The following BARX2 variants were observed in gnomAD, a reference collection of about 807,000 sequenced individuals.
The protein encoded by BARX2 is BARX homeobox 2.
In BARX2, 11 loss-of-function variants were observed where a neutral mutation model predicts 25.5. The ratio of observed to expected loss-of-function variants is 0.43; its 90% CI spans 0.27 to 0.71. BARX2 has a LOEUF of 0.71. BARX2 is among the 30% of genes least tolerant of loss of function. The probability of loss-of-function intolerance (pLI) is 0.19; values close to 1 mark genes in which losing one functional copy is unlikely to be tolerated. For missense variants in BARX2, 360 were observed against 359.9 expected (o/e 1.00, Z 0.00); for synonymous variants, 137 against 149.5 (o/e 0.92, Z 0.61).
chr11:129,445,561 C>T (rs1466958270), intron 3 of BARX2, among the ~76,000 whole-genome samples: 2 of 152,212 alleles, frequency 1.3e-5, no homozygotes, highest in African/African-American at 2.4e-5. Flanking sequence ...GAACATTCTG[C>T]AAGCCAGTCA....
rs746025749 is a variant in BARX2, at chr11:129,451,162, C to T, written c.600C>T (p.Pro200=). The part of the protein sequence containing the change: ...KMVLKGGQEA[P]TKPKGRPKKN... ...TTCTTAAAGGTGGACAGGAAGCACC[C>T]ACAAAACCCAAAGGTCGCCCCAAGA... is the stretch of plus-strand genomic sequence containing the variant. Residue 200 remains proline, a synonymous_variant, in exon 4 of 4, where the codon CCC becomes CCT. Coordinates refer to ENST00000281437, the MANE Select transcript of BARX2 (RefSeq NM_003658.5). The T allele has an allele frequency of 6.2e-7, 1 of 1,613,992 alleles. No individual in the cohort carries two copies. Among genetic ancestry groups the T allele is most frequent in the Non-Finnish European group, 8.5e-7 (1 of 1,179,954 alleles).
chr11:129,410,303 G>A (rs1032002547), intron 1 of BARX2, among the ~76,000 whole-genome samples: 1 of 151,916 alleles, frequency 6.6e-6, no homozygotes, highest in Non-Finnish European at 1.5e-5. Context: ...TCTTGTTCTC[G>A]AATTGTTTCC....
chr11:129,384,178 T>C (rs906243103), intron 1 of BARX2, among the ~76,000 whole-genome samples: 2 of 152,154 alleles, frequency 1.3e-5, no homozygotes, highest in East Asian at 3.9e-4. Flanking sequence ...ATTTTCACAA[T>C]GTGCATAGAA....
chr11:129,433,867 C>G (rs1862156659), intron 1 of BARX2, among the ~76,000 whole-genome samples: 1 of 152,278 alleles, frequency 6.6e-6, no homozygotes, highest in East Asian at 1.9e-4. Flanking sequence ...TGCTGTCTGC[C>G]TCCCCAAATG....
chr11:129,382,118 G>A (rs1182376133), intron 1 of BARX2, among the ~76,000 whole-genome samples: 1 of 152,210 alleles, frequency 6.6e-6, no homozygotes, highest in African/African-American at 2.4e-5. Context: ...CAGGTAGGAG[G>A]AGCAGCAGAG....
chr11:129,416,875 GTTT>G (rs66479529), intron 1 of BARX2, among the ~76,000 whole-genome samples: 8 of 133,002 alleles, frequency 6.0e-5, no homozygotes, highest in African/African-American at 1.9e-4. Flanking sequence ...CAGTGTCTTT[GTTT>G]TTTTTTTTTT....
chr11:129,437,619 C>T, intron 2 of BARX2: 1 of 547,170 alleles, frequency 1.8e-6, no homozygotes, highest in Non-Finnish European at 2.3e-6. Flanking sequence ...AGAGCCCCTT[C>T]TTTGAACCCC....
At chr11:129,445,599 G>T (rs990678054) in intron 3 of BARX2, among the ~76,000 whole-genome samples, 1 of 152,172 alleles carries the variant, frequency 6.6e-6, no homozygotes, top group African/African-American at 2.4e-5. Context: ...GAGCCAAGAG[G>T]CCCAAGCTGT....
At chr11:129,442,714 T>TG (rs779029154) in intron 2 of BARX2, 121 bp from the exon 3 acceptor site, 1 of 850,782 alleles carries the variant, frequency 1.2e-6, no homozygotes, top group Admixed American at 1.7e-5. Context: ...CCTCGTTTAA[T>TG]GGGGGAGGTC....
At chr11:129,450,997 T>A in intron 3 of BARX2, 139 bp from the exon 4 acceptor site, 1 of 998,112 alleles carries the variant, frequency 1.0e-6, no homozygotes, top group Non-Finnish European at 1.5e-6. Flanking sequence ...GGTGATGGGT[T>A]GAGAATATAT....
At chr11:129,420,277 A>G (rs1037941317) in intron 1 of BARX2, among the ~76,000 whole-genome samples, 1 of 152,140 alleles carries the variant, frequency 6.6e-6, no homozygotes, top group Non-Finnish European at 1.5e-5. Context: ...TGAATCTTGG[A>G]TACACTCAAG....
chr11:129,425,298 A>G (rs573418047), intron 1 of BARX2, among the ~76,000 whole-genome samples: 1 of 152,344 alleles, frequency 6.6e-6, no homozygotes, highest in Non-Finnish European at 1.5e-5. Flanking sequence ...TGAATTAAGT[A>G]AGAGTGAATC....
chr11:129,423,104 G>T (rs1203335058), intron 1 of BARX2, among the ~76,000 whole-genome samples: 1 of 138,428 alleles, frequency 7.2e-6, no homozygotes, highest in Non-Finnish European at 1.5e-5. Flanking sequence ...GGAGAAGAAT[G>T]AAATCAGATT....
intron 1 of BARX2, among the ~76,000 whole-genome samples, chr11:129,406,174 T>C (rs1861827637): frequency 6.6e-6 from 1 of 152,250 alleles, no homozygotes; most frequent in Non-Finnish European, 1.5e-5. Context: ...TCATCTGAAA[T>C]TCCTTGTGCC....
chr11:129,377,456 G>T (rs1042333609), intron 1 of BARX2, among the ~76,000 whole-genome samples: 2 of 152,164 alleles, frequency 1.3e-5, no homozygotes, highest in Non-Finnish European at 2.9e-5. Flanking sequence ...CCTTTTTAAA[G>T]TTAATTTGTC....
At chr11:129,419,782 T>C (rs1861983673) in intron 1 of BARX2, among the ~76,000 whole-genome samples, 2 of 151,890 alleles carry the variant, frequency 1.3e-5, no homozygotes, top group South Asian at 2.1e-4. Context: ...AATATTATTA[T>C]TATTATTCTT....
intron 1 of BARX2, among the ~76,000 whole-genome samples, chr11:129,426,348 C>G (rs531525678): frequency 5.3e-5 from 8 of 152,126 alleles, no homozygotes; most frequent in Non-Finnish European, 7.4e-5. Flanking sequence ...CTTTAACCAC[C>G]CTGTATCTGT....
At chr11:129,438,772 C>A (rs1004187498) in intron 2 of BARX2, among the ~76,000 whole-genome samples, 1 of 152,164 alleles carries the variant, frequency 6.6e-6, no homozygotes, top group South Asian at 2.1e-4. Context: ...GGAACAAAGA[C>A]GCAGCAAGCC....
At chr11:129,445,313 G>A (rs185764323) in intron 3 of BARX2, among the ~76,000 whole-genome samples, 1 of 152,306 alleles carries the variant, frequency 6.6e-6, no homozygotes, top group African/African-American at 2.4e-5. Flanking sequence ...AGTAGCAGAG[G>A]CATTGTTTAA....
Sources: allele counts gnomAD v4.1 joint callset (sites outside exome capture counted in the v4.1 genomes callset), GRCh38; gene constraint gnomAD v4.1.1; transcripts MANE v1.5; gene names NCBI Gene and HGNC (gene_info 2026-07-23, HGNC 2026-07-21).